The following AMIGO3 variants were observed in gnomAD, a reference collection of about 807,000 sequenced individuals.
AMIGO3 encodes the protein amphoterin-induced protein 3.
A neutral mutation model predicts 4.3 loss-of-function variants in AMIGO3; 6 were observed. That is an observed-to-expected ratio of 1.39 (90% CI 0.76 to 2.75). The LOEUF is 2.75. Ranked by LOEUF, AMIGO3 falls within the 30% of genes most tolerant of loss-of-function variation. The pLI is 0.00. For synonymous variants in AMIGO3, 315 were observed against 320.0 expected, an observed-to-expected ratio of 0.98 and a Z score of 0.17; for missense variants, 771 against 692.1, an observed-to-expected ratio of 1.11 and a Z score of -1.28.
Position 49,719,424 on chromosome 3 carries a change from C to T in AMIGO3, c.42G>A (p.Leu14=). 1.2e-6 allele frequency: 2 copies of T among 1,613,586 alleles called. No homozygotes were observed. The highest frequency in any genetic ancestry group is 2.2e-5 in the East Asian group (1 of 44,876). Reference sequence around the variant, plus strand: ...AGTCCGGGGTGCCTAACCCAACGCGCAGCATGCAGAGCAGTGTCCCCAGCA... The same window carrying T: ...AGTCCGGGGTGCCTAACCCAACGCGTAGCATGCAGAGCAGTGTCCCCAGCA... ...LVLLGTLLCM[L]RVGLGTPDSE... Residue 14 remains leucine, a synonymous_variant, in exon 1 of 1, where the codon CTG becomes CTA. Transcript: ENST00000320431.
chr3:49,718,435 T>C lies in AMIGO3; in HGVS notation c.1031A>G (p.Glu344Gly). Reference protein sequence around the residue: ...DGSLAIGNVQEQHAGLFVCLA... With the variant: ...DGSLAIGNVQGQHAGLFVCLA... ...GCACACGAAGAGTCCCGCATGCTGC[T>C]CCTGTACGTTGCCTATGGCCAAGCT... Residue 344 changes from glutamate (E) to glycine (G), a missense_variant, in exon 1 of 1, where the codon GAG becomes GGG. Glu to Gly is a moderately conservative substitution (Grantham distance 98). Coordinates refer to ENST00000320431, the MANE Select transcript of AMIGO3 (RefSeq NM_198722.3). 1 of 1,612,994 alleles carries C rather than the reference T, an allele frequency of 6.2e-7. No homozygotes were observed. The highest frequency in any genetic ancestry group is 8.5e-7 in the Non-Finnish European group (1 of 1,179,928).
Position 49,718,505 on chromosome 3 carries a change from C to T in AMIGO3, c.961G>A (p.Ala321Thr), listed in dbSNP as rs761982260. 2 of 1,613,012 alleles carry T rather than the reference C, an allele frequency of 1.2e-6. No homozygotes were observed. The highest frequency in any genetic ancestry group is 2.7e-5 in the African/African-American group (2 of 74,934). Residue 321 changes from alanine to threonine, a missense_variant, in exon 1 of 1, where the codon GCG becomes ACG. By Grantham distance (58) the Ala-to-Thr change is moderately conservative. Transcript: ENST00000320431. ...WVSPQQELLR[A>T]PGSRDGSIAV... The stretch of plus-strand genomic sequence containing the variant: ...ATGCTGCCATCGCGGGATCCTGGCG[C>T]CCTGAGAAGCTCCTGCTGCGGCGAA...
Position 49,719,314 on chromosome 3 carries a change from C to G in AMIGO3, c.152G>C (p.Gly51Ala), listed in dbSNP as rs1351100295. ...TAACTCGGCTGGCACGTCCTGCAGC[C>G]CTAGGCCAGTGCAGCTTAGCAGGTC... Reference protein sequence around the residue: ...AADLLSCTGLGLQDVPAELPA... With the variant: ...AADLLSCTGLALQDVPAELPA... Residue 51 changes from glycine (G) to alanine (A), a missense_variant, in exon 1 of 1, where the codon GGG (glycine) becomes GCG (alanine). Physicochemically the swap from Gly to Ala is moderately conservative, Grantham distance 60 (BLOSUM62 0). Transcript: ENST00000320431. 1 of 1,613,250 alleles carries G rather than the reference C, an allele frequency of 6.2e-7. No homozygotes were observed. The highest frequency in any genetic ancestry group is 1.7e-5 in the Admixed American group (1 of 60,028).
Position 49,718,299 on chromosome 3 carries a change from C to T in AMIGO3, c.1167G>A (p.Leu389=). 6.2e-7 allele frequency: 1 copy of T among 1,613,190 alleles called. No individual in the cohort carries two copies. Residue 389 remains leucine, a synonymous_variant, in exon 1 of 1, where the codon CTG becomes CTA. Coordinates refer to ENST00000320431, the MANE Select transcript of AMIGO3 (RefSeq NM_198722.3). Reference sequence around the variant, plus strand: ...CGAGCACAAGGCCCACGGCACAGCCCAGCAGTGTGGTGAAGCCTGTGTTGA... The same window carrying T: ...CGAGCACAAGGCCCACGGCACAGCCTAGCAGTGTGGTGAAGCCTGTGTTGA... The part of the protein sequence containing the change: ...EAFNTGFTTL[L]GCAVGLVLVL...
rs761669062 is a variant in AMIGO3, at chr3:49,717,953, A to G, written c.1513T>C (p.Ter505GlnextTer91). 2 of 1,611,446 alleles carry G rather than the reference A, an allele frequency of 1.2e-6. No homozygotes were observed. The highest frequency in any genetic ancestry group is 1.7e-6 in the Non-Finnish European group (2 of 1,179,148). The stretch of plus-strand genomic sequence containing the variant: ...TGGGTGGGGGAGCCCTGGGCAGTCT[A>G]GGTTGTCATGGGACCCTCGGAGCCT... ...SIGSEGPMTT[*>Q] Residue 505 changes from the stop codon to glutamine, a stop_lost, in exon 1 of 1, where the codon TAG (stop) becomes CAG (glutamine). Transcript: ENST00000320431.
At position 49,717,004 on chromosome 3, in the gene AMIGO3, C is replaced by T. The variant is rs528634640; in HGVS notation, c.*947G>A. On this transcript the variant is annotated 3_prime_UTR_variant, in exon 1 of 1. Transcript: ENST00000320431. ...GTGAGATGCATATGAAGCCAGGGTACCGCCTCAGCCATTAGGCTGAGACCA... is the reference window on the plus strand; with the variant it reads ...GTGAGATGCATATGAAGCCAGGGTATCGCCTCAGCCATTAGGCTGAGACCA... 4.9e-4 allele frequency: 77 copies of T among 155,684 alleles called. No homozygotes were observed. The highest frequency in any genetic ancestry group is 1.6e-3 in the African/African-American group (68 of 41,606). 9.6% of individuals were successfully genotyped at this position (155,684 alleles called of 1,614,324 possible).
chr3:49,717,990 G>GGACTC lies in AMIGO3; in HGVS notation c.1471_1475dup (p.Ala493SerfsTer6). 1 of 1,613,592 alleles carries GGACTC rather than the reference G, an allele frequency of 6.2e-7. No homozygotes were observed. Among genetic ancestry groups the GGACTC allele is most frequent in the Non-Finnish European group, 8.5e-7 (1 of 1,180,028 alleles). ...GACCCTCGGAGCCTATGGAGCTGGCGGACTCAGAGCCAGCCTTCAGCTGCA... is the reference window on the plus strand; with the variant it reads ...GACCCTCGGAGCCTATGGAGCTGGCGGACTCGACTCAGAGCCAGCCTTCAGCTGCA... On this transcript the variant is annotated frameshift_variant, in exon 1 of 1. Transcript: ENST00000320431. LOFTEE classifies it high-confidence loss of function.
In AMIGO3 at chr3:49,718,257, G is replaced by A. The variant is rs766996289; in HGVS notation, c.1209C>T (p.Phe403=). 3 of 1,612,266 alleles carry A rather than the reference G, an allele frequency of 1.9e-6. No individual in the cohort carries two copies. The highest frequency in any genetic ancestry group is 2.7e-5 in the African/African-American group (2 of 74,898). The stretch of plus-strand genomic sequence containing the variant: ...GGCGGCAGCAGCGGCAGGGTGGGGC[G>A]AACAGGTAGAGCAGCACGAGCACAA... ...VGLVLVLLYL[F]APPCRCCRRA... Residue 403 remains phenylalanine (F), a synonymous_variant, in exon 1 of 1, where the codon TTC becomes TTT. Coordinates refer to ENST00000320431, the MANE Select transcript of AMIGO3 (RefSeq NM_198722.3).
Position 49,719,368 on chromosome 3 carries a change from T to C in AMIGO3, c.98A>G (p.Asn33Ser). The C allele has an allele frequency of 1.2e-6, 2 of 1,613,548 alleles. No individual in the cohort carries two copies. The highest frequency in any genetic ancestry group is 8.5e-7 in the Non-Finnish European group (1 of 1,180,024). The change falls in exon 1 of 1, where the codon AAC becomes AGC. Residue 33 changes from asparagine (N) to serine (S), a missense_variant. Transcript: ENST00000320431. ...SEGFPPRALHNCPYKCICAAD... is the reference protein window; with the variant it reads ...SEGFPPRALHSCPYKCICAAD... ...AGCGCAGATACATTTGTAGGGGCAG[T>C]TGTGGAGCGCACGGGGCGGGAAACC...
rs1461544630 is a variant in AMIGO3, at chr3:49,718,912, A to T, written c.554T>A (p.Leu185Gln). The change falls in exon 1 of 1, where the codon CTG becomes CAG. Residue 185 changes from leucine (L) to glutamine (Q), a missense_variant. By Grantham distance (113) the Leu-to-Gln change is moderately radical. Transcript: ENST00000320431. ...GTTGGAGGAGAGGTCCAGAGTAAGC[A>T]GGTGGGTGGCGCTCAGACCGTGCAG... ...DHLHGLSATH[L>Q]LTLDLSSNRL... 1.9e-6 allele frequency: 3 copies of T among 1,613,740 alleles called. No individual in the cohort carries two copies. In the South Asian group the frequency reaches 3.3e-5, roughly 18 times the overall value.
chr3:49,719,107 G>C lies in AMIGO3; in HGVS notation c.359C>G (p.Thr120Arg). 1 of 1,613,576 alleles carries C rather than the reference G, an allele frequency of 6.2e-7. No homozygotes were observed. Among genetic ancestry groups the C allele is most frequent in the Non-Finnish European group, 8.5e-7 (1 of 1,180,028 alleles). ...GLRLLDLSSN[T>R]LRALGRHDLD... ...GTCGTGGCGGCCAAGCGCCCGCAAC[G>C]TGTTAGATGATAGATCGAGCAGCCT... is the stretch of plus-strand genomic sequence containing the variant. The change falls in exon 1 of 1, where the codon ACG (threonine) becomes AGG (arginine). Residue 120 changes from threonine to arginine, a missense_variant. Coordinates refer to ENST00000320431, the MANE Select transcript of AMIGO3 (RefSeq NM_198722.3).
Position 49,719,406 on chromosome 3 carries a change from G to C in AMIGO3, c.60C>G (p.Thr20=), listed in dbSNP as rs766352996. The change falls in exon 1 of 1, where the codon ACC becomes ACG. Residue 20 remains threonine, a synonymous_variant. Transcript: ENST00000320431. ...LLCMLRVGLG[T]PDSEGFPPRA... is the part of the protein sequence containing the mutation. ...GGGGCGGGAAACCCTCGGAGTCCGG[G>C]GTGCCTAACCCAACGCGCAGCATGC... is the stretch of plus-strand genomic sequence containing the variant. The C allele has an allele frequency of 1.2e-6, 2 of 1,613,500 alleles. No individual in the cohort carries two copies. Among genetic ancestry groups the C allele is most frequent in the East Asian group, 4.5e-5 (2 of 44,892 alleles).
Position 49,719,625 on chromosome 3 carries a change from C to T in AMIGO3, c.-160G>A. ...CCGACGGCCCCTACTCTCCGGTTCC[C>T]AGGTTGTGAGGCGGTGCGGCACTCT... is the stretch of plus-strand genomic sequence containing the variant. On this transcript the variant is annotated 5_prime_UTR_variant, in exon 1 of 1. Coordinates refer to ENST00000320431, the MANE Select transcript of AMIGO3 (RefSeq NM_198722.3). The T allele has an allele frequency of 1.6e-6, 1 of 639,230 alleles. No individual in the cohort carries two copies. The allele number at this position is 639,230 out of a possible 1,614,324, so 39.6% of individuals were successfully genotyped here.
In AMIGO3 at chr3:49,718,829, C is replaced by A. The variant is rs1446202911; in HGVS notation, c.637G>T (p.Gly213Cys). ...AAAGGGTTGTTGTGCAAGTAGAGGCCGTTCTTGAGGAAGGCCGGCAGCGCG... is the reference window on the plus strand; with the variant it reads ...AAAGGGTTGTTGTGCAAGTAGAGGCAGTTCTTGAGGAAGGCCGGCAGCGCG... ...LAALPAFLKN[G>C]LYLHNNPLPC... Residue 213 changes from glycine to cysteine, a missense_variant, in exon 1 of 1, where the codon GGC (glycine) becomes TGC (cysteine). By Grantham distance (159) the Gly-to-Cys change is radical. Coordinates refer to ENST00000320431, the MANE Select transcript of AMIGO3 (RefSeq NM_198722.3). 1.2e-6 allele frequency: 2 copies of A among 1,613,414 alleles called. No homozygotes were observed. Among genetic ancestry groups the A allele is most frequent in the East Asian group, 4.5e-5 (2 of 44,886 alleles).
Position 49,718,877 on chromosome 3 carries a change from G to A in AMIGO3, c.589C>T (p.His197Tyr). The A allele has an allele frequency of 1.2e-6, 2 of 1,613,560 alleles. No individual in the cohort carries two copies. The highest frequency in any genetic ancestry group is 8.5e-7 in the Non-Finnish European group (1 of 1,180,028). ...GCGGCCAGCTCAGGTACGGAGATGT[G>A]TCCCAGCCGGTTGGAGGAGAGGTCC... Reference protein sequence around the residue: ...TLDLSSNRLGHISVPELAALP... With the variant: ...TLDLSSNRLGYISVPELAALP... The change falls in exon 1 of 1, where the codon CAC becomes TAC. Residue 197 changes from histidine to tyrosine, a missense_variant. Transcript: ENST00000320431.
At position 49,719,539 on chromosome 3, in the gene AMIGO3, T is replaced by A; in HGVS notation, c.-74A>T. 4 of 1,284,720 alleles carry A rather than the reference T, an allele frequency of 3.1e-6. No individual in the cohort carries two copies. Among genetic ancestry groups the A allele is most frequent in the Non-Finnish European group, 4.3e-6 (4 of 922,768 alleles). 79.6% of individuals were successfully genotyped at this position (1,284,720 alleles called of 1,614,324 possible). A position where few individuals can be genotyped will look rare whatever the true frequency, so the allele number is the denominator to read the frequency against. On this transcript the variant is annotated 5_prime_UTR_variant, in exon 1 of 1. It removes the in-frame stop codon of an upstream open reading frame in the 5' UTR. Transcript: ENST00000320431. ...TTCCAGGACTCACCCTCTTCTGCTC[T>A]AGTGCGACATGGGTGGCACCGGATG... is the stretch of plus-strand genomic sequence containing the variant.
rs2108203377 is a variant in AMIGO3, at chr3:49,718,142, C to T, written c.1324G>A (p.Asp442Asn). The T allele has an allele frequency of 6.2e-7, 1 of 1,613,294 alleles. No individual in the cohort carries two copies. Among genetic ancestry groups the T allele is most frequent in the Non-Finnish European group, 8.5e-7 (1 of 1,180,042 alleles). ...QSSVLSTTPP[D>N]APSRKASVHK... Reference sequence around the variant, plus strand: ...ACGCTGGCCTTGCGGCTGGGTGCGTCTGGCGGTGTGGTGCTGAGTACTGAG... The same window carrying T: ...ACGCTGGCCTTGCGGCTGGGTGCGTTTGGCGGTGTGGTGCTGAGTACTGAG... Residue 442 changes from aspartate to asparagine, a missense_variant, in exon 1 of 1, where the codon GAC (aspartate) becomes AAC (asparagine). Coordinates refer to ENST00000320431, the MANE Select transcript of AMIGO3 (RefSeq NM_198722.3).
In AMIGO3 at chr3:49,719,219, G is replaced by T; in HGVS notation, c.247C>A (p.Pro83Thr). 6.2e-7 allele frequency: 1 copy of T among 1,613,142 alleles called. No individual in the cohort carries two copies. Among genetic ancestry groups the T allele is most frequent in the Non-Finnish European group, 8.5e-7 (1 of 1,179,844 alleles). ...TGCAGGGCGCGCAGCTGGAAGAGGGGCGCCAACCAGCCGGGGCGCAGGCGC... is the reference window on the plus strand; with the variant it reads ...TGCAGGGCGCGCAGCTGGAAGAGGGTCGCCAACCAGCCGGGGCGCAGGCGC... ...LQRLRPGWLA[P>T]LFQLRALHLD... Residue 83 changes from proline (P) to threonine (T), a missense_variant, in exon 1 of 1, where the codon CCC becomes ACC. Coordinates refer to ENST00000320431, the MANE Select transcript of AMIGO3 (RefSeq NM_198722.3).
rs762516418 is a variant in AMIGO3 at position 49,718,726 on chromosome 3, C to A, written c.740G>T (p.Arg247Leu). ...CTTGAAGGCCAAGCATACGTACTCGCGCGCAAAGTCGCGCACGGCGCTCAG... is the reference window on the plus strand; with the variant it reads ...CTTGAAGGCCAAGCATACGTACTCGAGCGCAAAGTCGCGCACGGCGCTCAG... ...RGLSAVRDFA[R>L]EYVCLAFKVP... Residue 247 changes from arginine (R) to leucine (L), a missense_variant, in exon 1 of 1, where the codon CGC (arginine) becomes CTC (leucine). Transcript: ENST00000320431. 1 of 1,612,940 alleles carries A rather than the reference C, an allele frequency of 6.2e-7. No individual in the cohort carries two copies. The highest frequency in any genetic ancestry group is 1.1e-5 in the South Asian group (1 of 91,062).
Sources: allele counts gnomAD v4.1 joint callset, GRCh38; gene constraint gnomAD v4.1.1; transcripts MANE v1.5; gene names NCBI Gene and HGNC (gene_info 2026-07-23, HGNC 2026-07-21).